The following DEPTOR variants were observed in gnomAD, a reference collection of about 807,000 sequenced individuals.
The protein encoded by DEPTOR is DEP domain containing MTOR interacting protein.
DEPTOR carries 41 observed loss-of-function variants against 41.6 expected under a neutral mutation model. The observed-to-expected ratio is 0.98, with a 90% CI of 0.77 to 1.28. The LOEUF is 1.28. DEPTOR is among the 50% of genes most tolerant of loss of function. The probability of loss-of-function intolerance (pLI) is 0.00; values close to 1 mark genes in which losing one functional copy is unlikely to be tolerated. For synonymous variants in DEPTOR, 195 were observed against 192.3 expected (o/e 1.01, Z -0.12); for missense variants, 514 against 527.9 (o/e 0.97, Z 0.26).
At chr8:119,890,191 G>C (rs1393940887) in intron 1 of DEPTOR, among the ~76,000 whole-genome samples, 1 of 152,214 alleles carries the variant, frequency 6.6e-6, no homozygotes, top group Non-Finnish European at 1.5e-5. Context: ...CTGACCTGAA[G>C]TGATCCACTC....
At chr8:119,884,463 G>A (rs538143008) in intron 1 of DEPTOR, among the ~76,000 whole-genome samples, 4 of 152,304 alleles carry the variant, frequency 2.6e-5, no homozygotes, top group Admixed American at 2.0e-4. Context: ...AAAGAAGACA[G>A]TGTAGTGGGG....
At chr8:119,899,470 A>T (rs538467183) in intron 1 of DEPTOR, among the ~76,000 whole-genome samples, 1 of 152,312 alleles carries the variant, frequency 6.6e-6, no homozygotes, top group Admixed American at 6.5e-5. Flanking sequence ...CTAAACATAG[A>T]CTTATAGAAG....
chr8:119,879,110 C>CAAAA (rs34236042), intron 1 of DEPTOR, among the ~76,000 whole-genome samples: 10 of 147,304 alleles, frequency 6.8e-5, no homozygotes, highest in African/African-American at 2.5e-4. Context: ...AACTCGGTCT[C>CAAAA]AAAAAAAAAA....
At chr8:119,932,545 T>G (rs1470740146) in intron 3 of DEPTOR, among the ~76,000 whole-genome samples, 11 of 152,198 alleles carry the variant, frequency 7.2e-5, no homozygotes, top group Non-Finnish European at 1.6e-4. Flanking sequence ...CTTCTTTCCC[T>G]TCAGGAGATG....
At chr8:120,012,488 T>C (rs2130113158) in intron 8 of DEPTOR, among the ~76,000 whole-genome samples, 1 of 152,296 alleles carries the variant, frequency 6.6e-6, no homozygotes, top group Non-Finnish European at 1.5e-5. Flanking sequence ...ACAACTGTGA[T>C]GTCACTGGGC....
At chr8:119,925,887 A>T (rs1827957743) in intron 1 of DEPTOR, among the ~76,000 whole-genome samples, 1 of 152,166 alleles carries the variant, frequency 6.6e-6, no homozygotes, top group African/African-American at 2.4e-5. Flanking sequence ...GGCCTCCCAA[A>T]GTGCTGGGAT....
intron 8 of DEPTOR, among the ~76,000 whole-genome samples, chr8:120,040,391 G>GCATAGCTAGAACT (rs1813049301): frequency 6.6e-6 from 1 of 151,412 alleles, no homozygotes; most frequent in South Asian, 2.1e-4. Context: ...CCTGGCTAAC[G>GCATAGCTAGAACT]TGGTGAAACC....
chr8:119,921,633 T>C (rs9987165), intron 1 of DEPTOR, among the ~76,000 whole-genome samples: 42,302 of 151,752 alleles, frequency 0.28, 6,317 homozygotes, highest in Middle Eastern at 0.39. Context: ...GAATAGTGTG[T>C]AGTGCTTCTC....
At chr8:120,041,539 C>CT (rs72420732) in intron 8 of DEPTOR, among the ~76,000 whole-genome samples, 8,790 of 151,966 alleles carry the variant, frequency 0.058, 502 homozygotes, top group South Asian at 0.2. Flanking sequence ...GTTCTTATAA[C>CT]TTTTTTTTAA....
intron 8 of DEPTOR, among the ~76,000 whole-genome samples, chr8:120,028,540 C>T (rs1812837220): frequency 6.7e-6 from 1 of 148,702 alleles, no homozygotes; most frequent in South Asian, 2.2e-4. Context: ...CTCACTGCAA[C>T]CTCCCCCTTC....
chr8:120,033,787 A>G (rs2130179365), intron 8 of DEPTOR, among the ~76,000 whole-genome samples: 1 of 152,274 alleles, frequency 6.6e-6, no homozygotes, highest in Middle Eastern at 3.4e-3. Context: ...TAGCCAAGTC[A>G]GTATGGAGCA....
intron 8 of DEPTOR, among the ~76,000 whole-genome samples, chr8:120,048,960 C>G (rs555605053): frequency 3.3e-4 from 50 of 152,232 alleles, no homozygotes; most frequent in African/African-American, 1.1e-3. Flanking sequence ...TTCCAATACT[C>G]TTCCCAGTAC....
intron 4 of DEPTOR, among the ~76,000 whole-genome samples, chr8:119,979,547 G>A (rs1006262886): frequency 6.6e-6 from 1 of 152,168 alleles, no homozygotes; most frequent in Non-Finnish European, 1.5e-5. Context: ...ACAGGTGTGA[G>A]CTACTGCACC....
intron 1 of DEPTOR, among the ~76,000 whole-genome samples, chr8:119,926,301 A>G (rs1827963247): frequency 6.6e-6 from 1 of 152,154 alleles, no homozygotes; most frequent in Non-Finnish European, 1.5e-5. Context: ...GCTCTAAAAA[A>G]ATCACACAAC....
chr8:119,954,310 AT>A (rs1828390995), intron 3 of DEPTOR, among the ~76,000 whole-genome samples: 1 of 151,144 alleles, frequency 6.6e-6, no homozygotes, highest in African/African-American at 2.4e-5. Flanking sequence ...CACCCAACTA[AT>A]CTTTTGGTAT....
intron 4 of DEPTOR, among the ~76,000 whole-genome samples, chr8:119,994,478 A>G (rs529285565): frequency 1.3e-5 from 2 of 152,232 alleles, no homozygotes; most frequent in South Asian, 4.1e-4. Context: ...ACACTGCTTT[A>G]TTTTTTGCTT....
At chr8:119,928,634 T>C (rs62528677) in intron 2 of DEPTOR, 56 bp downstream of exon 2, 337,819 of 1,560,938 alleles carry the variant, frequency 0.22, 37,948 homozygotes, top group Middle Eastern at 0.3. Flanking sequence ...CTAGATCTTT[T>C]CATGAACATA....
Position 119,900,992 on chromosome 8 carries a change from T to C in DEPTOR, c.122+27024T>C, listed in dbSNP as rs899047725. 8.5e-5 allele frequency among the ~76,000 whole-genome samples: 13 copies of C among 152,314 alleles called. No homozygotes were observed. The South Asian group carries it at 1.2e-3, about 15-fold the overall frequency. ...GATCCCTAGTGGAAAGTAAAATTGC[T>C]TTTAGTTTCAAAGCATTGAAATTTC... is the stretch of plus-strand genomic sequence containing the variant. On this transcript the variant is annotated intron_variant, in intron 1 of 8. Transcript: ENST00000286234.
intron 1 of DEPTOR, among the ~76,000 whole-genome samples, chr8:119,880,210 T>G (rs1827282373): frequency 6.6e-6 from 1 of 151,250 alleles, no homozygotes; most frequent in Non-Finnish European, 1.5e-5. Flanking sequence ...AATATCACTA[T>G]TCTCTTTCTA....
Sources: allele counts gnomAD v4.1 joint callset (sites outside exome capture counted in the v4.1 genomes callset), GRCh38; gene constraint gnomAD v4.1.1; transcripts MANE v1.5; gene names NCBI Gene and HGNC (gene_info 2026-07-23, HGNC 2026-07-21).